The following RANBP10 variants were observed in gnomAD, a reference collection of about 807,000 sequenced individuals.
The protein encoded by RANBP10 is ran-binding protein 10.
In RANBP10, 24 loss-of-function variants were observed where a neutral mutation model predicts 72.8. The observed-to-expected ratio is 0.33, with a 90% CI of 0.24 to 0.46. The LOEUF is 0.46. Among genes scored for constraint, RANBP10 ranks in the 20% least tolerant of loss-of-function variants. The pLI is 1.00. For missense variants in RANBP10, 679 were observed against 817.5 expected, an observed-to-expected ratio of 0.83 and a Z score of 2.07; for synonymous variants, 310 against 322.3, an observed-to-expected ratio of 0.96 and a Z score of 0.41.
chr16:67,734,897 A>T lies in RANBP10; in HGVS notation c.737T>A (p.Ile246Asn). The change falls in exon 6 of 14, where the codon ATC (isoleucine) becomes AAC (asparagine). Residue 246 changes from isoleucine (I) to asparagine (N), a missense_variant. By Grantham distance (149) the Ile-to-Asn change is moderately radical. Coordinates refer to ENST00000317506, the MANE Select transcript of RANBP10 (RefSeq NM_020850.3). Reference protein sequence around the residue: ...KVQGTVHCFPISARLGEWQAV... With the variant: ...KVQGTVHCFPNSARLGEWQAV... ...CTGCCACTCGCCAAGCCGGGCACTGATGGGGAAGCAGTGGACCGTGCCCTG... is the reference window on the plus strand; with the variant it reads ...CTGCCACTCGCCAAGCCGGGCACTGTTGGGGAAGCAGTGGACCGTGCCCTG... 1 of 1,610,734 alleles carries T rather than the reference A, an allele frequency of 6.2e-7. No individual in the cohort carries two copies.
intron 3 of RANBP10, among the ~76,000 whole-genome samples, chr16:67,768,609 C>T (rs1162388345): frequency 3.3e-5 from 5 of 151,874 alleles, no homozygotes; most frequent in South Asian, 2.1e-4. Context: ...CCAGCTACTT[C>T]GGGGGCTGAG....
Position 67,767,282 on chromosome 16 carries a change from A to G in RANBP10, c.400+4752T>C, listed in dbSNP as rs1597880154. Among the ~76,000 whole-genome samples the G allele has an allele frequency of 2.0e-5, 3 of 151,816 alleles. No homozygotes were observed. In the South Asian group the frequency reaches 6.3e-4, roughly 32 times the overall value. On this transcript the variant is annotated intron_variant, in intron 3 of 13. Transcript: ENST00000317506. ...ACTCCACTCCATGGATCTCAAACTC[A>G]ATGGGTGACACAAAAACAGTTTTTA...
At chr16:67,804,487 C>T (rs547659149) in intron 2 of RANBP10, among the ~76,000 whole-genome samples, 10 of 151,898 alleles carry the variant, frequency 6.6e-5, no homozygotes, top group Admixed American at 6.6e-4. Flanking sequence ...CTACAACCTC[C>T]ACCTCCCATG....
intron 2 of RANBP10, among the ~76,000 whole-genome samples, chr16:67,799,950 G>A (rs1434410212): frequency 6.6e-6 from 1 of 151,980 alleles, no homozygotes; most frequent in African/African-American, 2.4e-5. Flanking sequence ...GTGAAACACC[G>A]TCTCTACTAA....
intron 4 of RANBP10, among the ~76,000 whole-genome samples, chr16:67,741,045 A>G (rs1291634673): frequency 2.6e-5 from 4 of 152,204 alleles, no homozygotes; most frequent in Non-Finnish European, 5.9e-5. Flanking sequence ...AAGCTCCGTA[A>G]ATTATATATA....
chr16:67,769,855 C>A (rs2054578015), intron 3 of RANBP10, among the ~76,000 whole-genome samples: 2 of 150,846 alleles, frequency 1.3e-5, no homozygotes, highest in Admixed American at 1.3e-4. Flanking sequence ...TGCTTGAACG[C>A]AGCAGCTTGA....
chr16:67,729,595 C>G lies in RANBP10; in HGVS notation c.1147+85G>C. ...CTTCTCCCAAATCCAGCAGTGAGCC[C>G]TGAGCCCAGCCCAGGAAAGGGTATG... On this transcript the variant is annotated intron_variant, in intron 9 of 13. Coordinates refer to ENST00000317506, the MANE Select transcript of RANBP10 (RefSeq NM_020850.3). The surrounding 1 kb of genome is among the most constrained non-coding windows in gnomAD (Gnocchi z 7.1). 1 of 1,554,818 alleles carries G rather than the reference C, an allele frequency of 6.4e-7. No homozygotes were observed. The highest frequency in any genetic ancestry group is 8.7e-7 in the Non-Finnish European group (1 of 1,152,462).
chr16:67,737,826 C>A (rs1188813653), intron 5 of RANBP10, among the ~76,000 whole-genome samples, 187 bp downstream of exon 5: 1 of 152,130 alleles, frequency 6.6e-6, no homozygotes, highest in South Asian at 2.1e-4. Flanking sequence ...GAAGACCAGA[C>A]CTTACTGCTG....
intron 2 of RANBP10, among the ~76,000 whole-genome samples, chr16:67,804,645 C>A (rs568163928): frequency 6.6e-6 from 1 of 151,934 alleles, no homozygotes; most frequent in Non-Finnish European, 1.5e-5. Flanking sequence ...TCAAGTGATC[C>A]GCCCGCCTCG....
intron 2 of RANBP10, among the ~76,000 whole-genome samples, chr16:67,779,112 A>G (rs2054766019): frequency 6.6e-6 from 1 of 151,892 alleles, no homozygotes; most frequent in South Asian, 2.1e-4. Context: ...AAATAAAAAT[A>G]GTCTGGGCGC....
intron 12 of RANBP10, 103 bp downstream of exon 12, chr16:67,727,648 C>G (rs2053632177): frequency 5.8e-6 from 9 of 1,553,314 alleles, no homozygotes; most frequent in African/African-American, 1.4e-5. Flanking sequence ...GCAGACCTGG[C>G]TGGAGCCCAC....
At chr16:67,780,936 C>T (rs1234420047) in intron 2 of RANBP10, among the ~76,000 whole-genome samples, 1 of 152,262 alleles carries the variant, frequency 6.6e-6, no homozygotes, top group African/African-American at 2.4e-5. Flanking sequence ...GCACACACAT[C>T]TCAGAACACA....
rs1238440268 is a variant in RANBP10 at position 67,729,759 on chromosome 16, G to A, written c.1068C>T (p.Pro356=). The change falls in exon 9 of 14, where the codon CCC becomes CCT. Residue 356 remains proline (P), a synonymous_variant. Coordinates refer to ENST00000317506, the MANE Select transcript of RANBP10 (RefSeq NM_020850.3). This position sits in a 1 kb window ranked among gnomAD's most constrained non-coding sequence, Gnocchi z 7.1. ...SEVRSLSSRS[P]KSQDSYPGSP... ...AGCCAGGGTAGCTGTCCTGGGACTT[G>A]GGGCTTCGGGAGCTCAAACTTCGGA... 3 of 1,614,150 alleles carry A rather than the reference G, an allele frequency of 1.9e-6. No individual in the cohort carries two copies. Among genetic ancestry groups the A allele is most frequent in the African/African-American group, 2.7e-5 (2 of 75,052 alleles).
intron 13 of RANBP10, 139 bp downstream of exon 13, chr16:67,727,188 G>A (rs2053618381): frequency 2.8e-6 from 2 of 721,238 alleles, no homozygotes; most frequent in Non-Finnish European, 4.5e-6. Context: ...AGCTACTCAG[G>A]AGGCTGAGGC....
chr16:67,797,307 C>A (rs890168481), intron 2 of RANBP10, among the ~76,000 whole-genome samples: 12 of 152,250 alleles, frequency 7.9e-5, no homozygotes, highest in Non-Finnish European at 1.3e-4. Flanking sequence ...GGCAACGACG[C>A]TCCCCACTCT....
intron 7 of RANBP10, 141 bp downstream of exon 7, chr16:67,731,331 G>C: frequency 1.5e-6 from 1 of 659,050 alleles, no homozygotes; most frequent in Non-Finnish European, 2.7e-6. Context: ...GGTGGGACAG[G>C]AACATGGCCT....
In RANBP10 at chr16:67,736,839, G is replaced by T. The variant is rs1411458370; in HGVS notation, c.591+1174C>A. On this transcript the variant is annotated intron_variant, in intron 5 of 13. Coordinates refer to ENST00000317506, the MANE Select transcript of RANBP10 (RefSeq NM_020850.3). ...AAGGATTCTGAGCCATGGACTGGAG[G>T]TTTTAACAGGACCCTGGGTGCTATG... Among the ~76,000 whole-genome samples, 4 of 152,214 alleles carry T rather than the reference G, an allele frequency of 2.6e-5. No individual in the cohort carries two copies. The East Asian group carries it at 7.7e-4, about 29-fold the overall frequency.
At chr16:67,769,228 G>A (rs1463271656) in intron 3 of RANBP10, among the ~76,000 whole-genome samples, 2 of 150,580 alleles carry the variant, frequency 1.3e-5, no homozygotes, top group Non-Finnish European at 3.0e-5. Context: ...GACTGCTTGA[G>A]CTCAGGAGTT....
chr16:67,749,425 C>G (rs770722747), intron 3 of RANBP10, among the ~76,000 whole-genome samples: 5 of 152,174 alleles, frequency 3.3e-5, no homozygotes, highest in Non-Finnish European at 7.4e-5. Flanking sequence ...ATCTCCCCAC[C>G]GCCATCACCA....
Sources: allele counts gnomAD v4.1 joint callset (sites outside exome capture counted in the v4.1 genomes callset), GRCh38; gene constraint gnomAD v4.1.1; non-coding constraint Gnocchi (gnomAD v3.1); transcripts MANE v1.5; gene names NCBI Gene and HGNC (gene_info 2026-07-23, HGNC 2026-07-21).